EPHA5: variants seen among roughly 807,000 people sequenced by gnomAD.
The protein encoded by EPHA5 is EPH receptor A5.
A neutral mutation model predicts 105.0 loss-of-function variants in EPHA5; 60 were observed. That is an observed-to-expected ratio of 0.57 (90% CI 0.46 to 0.71). The LOEUF is 0.71. Ranked by LOEUF, EPHA5 falls within the 30% of genes least tolerant of loss-of-function variation. The pLI, the probability that EPHA5 is intolerant of heterozygous loss-of-function variation, is 0.00. For synonymous variants in EPHA5, 513 were observed against 449.1 expected (o/e 1.14, Z -1.80); for missense variants, 1,218 against 1,274.7 (o/e 0.96, Z 0.68).
intron 3 of EPHA5, among the ~76,000 whole-genome samples, chr4:65,550,475 A>C (rs1034302975): frequency 3.3e-5 from 5 of 152,232 alleles, no homozygotes; most frequent in African/African-American, 7.2e-5. Context: ...TATTTTTCTG[A>C]CACTCATATC....
chr4:65,640,282 C>CTTTTTTTTTTTTTT lies in EPHA5; in HGVS notation c.246+3067_246+3080dup, dbSNP rs869149037. Among the ~76,000 whole-genome samples the CTTTTTTTTTTTTTT allele has an allele frequency of 7.6e-5, 7 of 92,230 alleles. 1 individual carries two copies. Among genetic ancestry groups the CTTTTTTTTTTTTTT allele is most frequent in the African/African-American group, 1.3e-4 (3 of 23,328 alleles). 60.5% of individuals were successfully genotyped at this position (92,230 alleles called of 152,430 possible). On this transcript the variant is annotated intron_variant, in intron 2 of 16. Coordinates refer to ENST00000613740, the MANE Select transcript of EPHA5 (RefSeq NM_001281766.3). ...CATTGAAGTCATTGCTCAGTTTTTT[C>CTTTTTTTTTTTTTT]TTTTTTTTTTTTTTTTTTTTTGAGA... is the stretch of plus-strand genomic sequence containing the variant.
intron 3 of EPHA5, chr4:65,573,585 C>T (rs1740461158): frequency 1.9e-6 from 3 of 1,598,562 alleles, no homozygotes; most frequent in African/African-American, 1.3e-5. Context: ...GGGGAAGCCC[C>T]GTTGCAGCCG....
At position 65,320,874 on chromosome 4, in the gene EPHA5, A is replaced by G. The variant is rs189660116; in HGVS notation, c.*3240T>C. ...TTAAGTTTAGATAAAATATTGGAATATAATTTTTACAGTAATCTTACAACC... is the reference window on the plus strand; with the variant it reads ...TTAAGTTTAGATAAAATATTGGAATGTAATTTTTACAGTAATCTTACAACC... On this transcript the variant is annotated 3_prime_UTR_variant, in exon 17 of 17. Coordinates refer to ENST00000613740, the MANE Select transcript of EPHA5 (RefSeq NM_001281766.3). 428 of 230,352 alleles carry G rather than the reference A, an allele frequency of 1.9e-3. No individual in the cohort carries two copies. The highest frequency in any genetic ancestry group is 3.0e-3 in the Non-Finnish European group (345 of 116,148). 14.3% of individuals were successfully genotyped at this position (230,352 alleles called of 1,614,324 possible). A position where few individuals can be genotyped will look rare whatever the true frequency, so the allele number is the denominator to read the frequency against.
intron 8 of EPHA5, among the ~76,000 whole-genome samples, chr4:65,374,100 G>T (rs1718756007): frequency 6.6e-6 from 1 of 151,838 alleles, no homozygotes; most frequent in South Asian, 2.1e-4. Context: ...TGTAAAAATA[G>T]ATTGTCTTTT....
Position 65,614,796 on chromosome 4 carries a change from G to A in EPHA5, c.247-12492C>T, listed in dbSNP as rs560392356. Among the ~76,000 whole-genome samples the A allele has an allele frequency of 2.6e-5, 4 of 151,714 alleles. 1 individual carries two copies. In the South Asian group the frequency reaches 8.3e-4, roughly 32 times the overall value. ...CTTTGGGAAGTGTTTGGAAATATATGGTGCATTTAAAAGTGTTTTAAACCT... is the reference window on the plus strand; with the variant it reads ...CTTTGGGAAGTGTTTGGAAATATATAGTGCATTTAAAAGTGTTTTAAACCT... On this transcript the variant is annotated intron_variant, in intron 2 of 16. Coordinates refer to ENST00000613740, the MANE Select transcript of EPHA5 (RefSeq NM_001281766.3).
At chr4:65,569,597 G>T (rs1056658575) in intron 3 of EPHA5, among the ~76,000 whole-genome samples, 2 of 151,600 alleles carry the variant, frequency 1.3e-5, no homozygotes, top group African/African-American at 4.8e-5. Flanking sequence ...GCTTATTAAA[G>T]ATATACATTA....
intron 3 of EPHA5, among the ~76,000 whole-genome samples, chr4:65,540,846 C>A (rs1578376577): frequency 7.1e-6 from 1 of 141,804 alleles, no homozygotes; most frequent in Non-Finnish European, 1.5e-5. Context: ...ACCTCAGAAT[C>A]ACATAGCAGT....
chr4:65,459,803 G>A (rs1452426189), intron 5 of EPHA5, among the ~76,000 whole-genome samples: 1 of 151,708 alleles, frequency 6.6e-6, no homozygotes, highest in African/African-American at 2.4e-5. Flanking sequence ...GTCAATATGG[G>A]AGACAGTAAT....
At chr4:65,602,429 A>G (rs983343365) in intron 2 of EPHA5, 125 bp from the exon 3 acceptor site, 3 of 701,276 alleles carry the variant, frequency 4.3e-6, no homozygotes. Context: ...AATATGTGAT[A>G]TTTACAGAAG....
intron 16 of EPHA5, among the ~76,000 whole-genome samples, chr4:65,329,773 C>A (rs1720414036): frequency 6.6e-6 from 1 of 150,452 alleles, no homozygotes; most frequent in South Asian, 2.1e-4. Flanking sequence ...GCTGATAATC[C>A]CGTCTCCTTT....
At chr4:65,612,041 GAAAGAAAAGA>G (rs35758516) in intron 2 of EPHA5, among the ~76,000 whole-genome samples, 6,959 of 118,648 alleles carry the variant, frequency 0.059, 384 homozygotes, top group Middle Eastern at 0.095. Context: ...AAAAAAAAAG[GAAAGAAAAGA>G]AAAGAAAAGA....
chr4:65,640,607 T>C (rs1747579283), intron 2 of EPHA5, among the ~76,000 whole-genome samples: 1 of 152,174 alleles, frequency 6.6e-6, no homozygotes, highest in South Asian at 2.1e-4. Flanking sequence ...TCTATTAGCT[T>C]ACATACCAGG....
At chr4:65,569,682 C>A (rs1161294469) in intron 3 of EPHA5, among the ~76,000 whole-genome samples, 1 of 151,388 alleles carries the variant, frequency 6.6e-6, no homozygotes, top group Non-Finnish European at 1.5e-5. Context: ...AAATGAATGA[C>A]CATTAATTAT....
At chr4:65,440,085 G>C (rs1457504693) in intron 5 of EPHA5, among the ~76,000 whole-genome samples, 1 of 151,960 alleles carries the variant, frequency 6.6e-6, no homozygotes, top group Admixed American at 6.6e-5. Context: ...GAATGTTACT[G>C]TAAACATTTA....
At chr4:65,482,149 T>C (rs1288956607) in intron 5 of EPHA5, among the ~76,000 whole-genome samples, 1 of 151,958 alleles carries the variant, frequency 6.6e-6, no homozygotes, top group Admixed American at 6.6e-5. Flanking sequence ...AATACAAATA[T>C]TAGCCGGGCC....
At chr4:65,493,715 G>T (rs1731645929) in intron 4 of EPHA5, among the ~76,000 whole-genome samples, 1 of 151,858 alleles carries the variant, frequency 6.6e-6, no homozygotes, top group Non-Finnish European at 1.5e-5. Flanking sequence ...TGTGGGCTTT[G>T]GTCCTAAAAA....
At chr4:65,383,387 T>C (rs1373901388) in intron 8 of EPHA5, among the ~76,000 whole-genome samples, 1 of 151,620 alleles carries the variant, frequency 6.6e-6, no homozygotes, top group African/African-American at 2.4e-5. Flanking sequence ...TTAGAAAGAG[T>C]TATGTTCACT....
At chr4:65,487,903 T>C (rs529084770) in intron 5 of EPHA5, among the ~76,000 whole-genome samples, 4 of 152,280 alleles carry the variant, frequency 2.6e-5, no homozygotes, top group Admixed American at 6.5e-5. Flanking sequence ...GAAGAAACCA[T>C]TGGGTGGTTA....
intron 3 of EPHA5, among the ~76,000 whole-genome samples, chr4:65,522,221 T>A (rs543610626): frequency 8.5e-4 from 129 of 151,626 alleles, no homozygotes; most frequent in African/African-American, 3.0e-3. Context: ...GATTACAAGA[T>A]GGGGATTTCC....
Sources: gnomAD v4.1 joint callset for allele counts (sites outside exome capture counted in the v4.1 genomes callset) on GRCh38, gnomAD v4.1.1 for gene constraint, MANE v1.5 for transcripts, NCBI Gene and HGNC (gene_info 2026-07-23, HGNC 2026-07-21) for gene names.